Variants in KCNN2 observed in about 807,000 individuals in gnomAD.
KCNN2 encodes the protein small conductance calcium-activated potassium channel protein 2.
Under a neutral mutation model 55.5 loss-of-function variants are expected in KCNN2, and 24 were observed. The observed-to-expected ratio is 0.43, with a 90% CI of 0.31 to 0.61. The LOEUF (loss-of-function observed/expected upper bound fraction) is 0.61. Ranked by LOEUF, KCNN2 falls within the 20% of genes least tolerant of loss-of-function variation. KCNN2 has a pLI of 0.08. For missense variants in KCNN2, 754 were observed against 853.6 expected, an observed-to-expected ratio of 0.88 and a Z score of 1.45; for synonymous variants, 431 against 336.1, an observed-to-expected ratio of 1.28 and a Z score of -3.09.
At chr5:114,467,706 T>G (rs904762096) in intron 4 of KCNN2, among the ~76,000 whole-genome samples, 1 of 151,960 alleles carries the variant, frequency 6.6e-6, no homozygotes, top group Admixed American at 6.6e-5. Context: ...CAAAAAAATG[T>G]CTTAAATATG....
At chr5:114,450,791 C>T (rs17354053) in intron 3 of KCNN2, among the ~76,000 whole-genome samples, 29,645 of 152,112 alleles carry the variant, frequency 0.19, 3,347 homozygotes, top group Non-Finnish European at 0.26. Flanking sequence ...GCCAGGGATG[C>T]TGTGTATCTG....
At chr5:114,069,257 T>C (rs1009440857) in intron 1 of KCNN2, among the ~76,000 whole-genome samples, 9 of 152,208 alleles carry the variant, frequency 5.9e-5, no homozygotes, top group Non-Finnish European at 1.2e-4. Context: ...TTACTCCTTA[T>C]GTTTGCTCTC....
At chr5:114,467,840 G>C (rs1401400015) in intron 4 of KCNN2, among the ~76,000 whole-genome samples, 1 of 152,134 alleles carries the variant, frequency 6.6e-6, no homozygotes, top group African/African-American at 2.4e-5. Context: ...TTAATTGGCA[G>C]AGCTGCCCTT....
At chr5:114,491,736 A>G (rs1747867663) in intron 6 of KCNN2, among the ~76,000 whole-genome samples, 1 of 152,088 alleles carries the variant, frequency 6.6e-6, no homozygotes, top group South Asian at 2.1e-4. Flanking sequence ...AACACACTTC[A>G]TTTCATATGT....
chr5:114,298,690 A>G, intron 2 of KCNN2, among the ~76,000 whole-genome samples: 1 of 152,240 alleles, frequency 6.6e-6, no homozygotes, highest in East Asian at 1.9e-4. Context: ...TTGGGGTAGT[A>G]AAACCATGGG....
At chr5:114,219,211 C>A (rs1179427417) in intron 1 of KCNN2, among the ~76,000 whole-genome samples, 2 of 152,216 alleles carry the variant, frequency 1.3e-5, no homozygotes, top group Non-Finnish European at 2.9e-5. Flanking sequence ...GCTCTGCCAT[C>A]CATGGCTGAC....
chr5:114,488,365 C>T (rs1747677120), intron 6 of KCNN2, among the ~76,000 whole-genome samples: 1 of 152,150 alleles, frequency 6.6e-6, no homozygotes, highest in Admixed American at 6.6e-5. Context: ...GATGCTATTT[C>T]CTCTGTAGCT....
intron 1 of KCNN2, among the ~76,000 whole-genome samples, chr5:114,173,166 G>T (rs776390293): frequency 6.6e-6 from 1 of 151,964 alleles, no homozygotes; most frequent in African/African-American, 2.4e-5. Flanking sequence ...AGTTTTCCCA[G>T]TGCTATTTAT....
At chr5:114,068,790 T>G (rs1419390952) in intron 1 of KCNN2, among the ~76,000 whole-genome samples, 1 of 152,042 alleles carries the variant, frequency 6.6e-6, no homozygotes, top group African/African-American at 2.4e-5. Flanking sequence ...CTTTTCTCTT[T>G]TCTCTCTTTT....
At chr5:114,335,444 C>T (rs1756903776) in intron 2 of KCNN2, among the ~76,000 whole-genome samples, 5 of 152,170 alleles carry the variant, frequency 3.3e-5, no homozygotes, top group South Asian at 4.1e-4. Context: ...TGCATGATGA[C>T]AGCTAACTGC....
chr5:114,082,129 A>C (rs1245933168), intron 1 of KCNN2, among the ~76,000 whole-genome samples: 1 of 152,084 alleles, frequency 6.6e-6, no homozygotes, highest in Non-Finnish European at 1.5e-5. Context: ...CGGGAGGATC[A>C]CTTCAGCCCA....
intron 1 of KCNN2, among the ~76,000 whole-genome samples, chr5:114,123,039 T>G (rs1751856010): frequency 6.6e-6 from 1 of 152,180 alleles, no homozygotes; most frequent in African/African-American, 2.4e-5. Context: ...GTGTGACAGA[T>G]GACAGTGTGA....
At chr5:114,477,669 G>GAAAT (rs1411021322) in intron 5 of KCNN2, among the ~76,000 whole-genome samples, 1 of 152,088 alleles carries the variant, frequency 6.6e-6, no homozygotes, top group South Asian at 2.1e-4. Context: ...ATATCTTTTG[G>GAAAT]AAATATATTA....
At position 114,418,958 on chromosome 5, in the gene KCNN2, A is replaced by G. The variant is rs539939376; in HGVS notation, c.1637+14102A>G. Among the ~76,000 whole-genome samples the G allele has an allele frequency of 4.6e-5, 7 of 152,340 alleles. No homozygotes were observed. The South Asian group carries it at 1.4e-3, about 32-fold the overall frequency. On this transcript the variant is annotated intron_variant, in intron 3 of 7. Coordinates refer to ENST00000673685, the MANE Select transcript of KCNN2 (RefSeq NM_021614.4). ...ACTTCCTCATACAAGCATATCTTCAAGTAATCACATAACTGAATGTGCCTG... is the reference window on the plus strand; with the variant it reads ...ACTTCCTCATACAAGCATATCTTCAGGTAATCACATAACTGAATGTGCCTG...
intron 1 of KCNN2, among the ~76,000 whole-genome samples, chr5:114,204,035 G>A (rs1180701645): frequency 6.6e-6 from 1 of 152,092 alleles, no homozygotes; most frequent in Non-Finnish European, 1.5e-5. Context: ...AACTACTTTA[G>A]AAAGTCATTT....
At chr5:114,199,704 G>A (rs1447380443) in intron 1 of KCNN2, among the ~76,000 whole-genome samples, 1 of 151,756 alleles carries the variant, frequency 6.6e-6, no homozygotes, top group Non-Finnish European at 1.5e-5. Flanking sequence ...CAGTTTTCTG[G>A]TGACAAAATC....
At chr5:114,229,161 G>T (rs1351686330) in intron 2 of KCNN2, among the ~76,000 whole-genome samples, 2 of 151,840 alleles carry the variant, frequency 1.3e-5, no homozygotes, top group East Asian at 3.9e-4. Flanking sequence ...TTTCCATTAT[G>T]TTACTCAGTG....
At chr5:114,195,836 G>A (rs1306380405) in intron 1 of KCNN2, among the ~76,000 whole-genome samples, 1 of 151,950 alleles carries the variant, frequency 6.6e-6, no homozygotes, top group Admixed American at 6.6e-5. Flanking sequence ...TTTTGTAGAT[G>A]CCTTATATCA....
intron 2 of KCNN2, among the ~76,000 whole-genome samples, chr5:114,385,449 A>C (rs1758247594): frequency 6.6e-6 from 1 of 151,154 alleles, no homozygotes; most frequent in African/African-American, 2.4e-5. Flanking sequence ...GTGGCGTATA[A>C]TGTTCTTTGT....
Sources: allele counts gnomAD v4.1 joint callset (sites outside exome capture counted in the v4.1 genomes callset), GRCh38; gene constraint gnomAD v4.1.1; transcripts MANE v1.5; gene names NCBI Gene and HGNC (gene_info 2026-07-23, HGNC 2026-07-21).